CPE: variants seen among roughly 807,000 people sequenced by gnomAD.
The protein encoded by CPE is carbocypeptidase E.
Under a neutral mutation model 53.5 loss-of-function variants are expected in CPE, and 17 were observed. That is an observed-to-expected ratio of 0.32 (90% CI 0.22 to 0.48). The LOEUF (loss-of-function observed/expected upper bound fraction) is 0.48, where lower values mean the gene tolerates loss of function less well. Ranked by LOEUF, CPE falls within the 20% of genes least tolerant of loss-of-function variation. The pLI, the probability that CPE is intolerant of heterozygous loss-of-function variation, is 0.99. For synonymous variants in CPE, 226 were observed against 228.8 expected (o/e 0.99, Z 0.11); for missense variants, 524 against 614.7 (o/e 0.85, Z 1.56).
intron 1 of CPE, among the ~76,000 whole-genome samples, chr4:165,424,811 G>C (rs1731289378): frequency 6.6e-6 from 1 of 152,080 alleles, no homozygotes; most frequent in Admixed American, 6.6e-5. Context: ...TGGGATTACA[G>C]GCGTGAGCCA....
In CPE at chr4:165,467,861, G is replaced by A. The variant is rs59371445; in HGVS notation, c.672+6G>A. On this transcript the variant is annotated splice_donor_region_variant and intron_variant, in intron 3 of 8. Transcript: ENST00000402744. ...TTGTGGATCAAAACACAAAGGTAGT[G>A]ACCACGGGATAGTCTTCTTGGGTTC... 1,541 of 1,612,980 alleles carry A rather than the reference G, an allele frequency of 9.6e-4. 13 individuals carry two copies. In the African/African-American group the frequency reaches 0.018, roughly 19 times the overall value.
intron 1 of CPE, among the ~76,000 whole-genome samples, chr4:165,399,955 A>G (rs1730839194): frequency 6.6e-6 from 1 of 152,136 alleles, no homozygotes; most frequent in Non-Finnish European, 1.5e-5. Flanking sequence ...TGTTCAGAGG[A>G]TAATAACAGA....
chr4:165,453,308 T>TTTCCTTCC (rs796485164), intron 1 of CPE, among the ~76,000 whole-genome samples: 2 of 151,454 alleles, frequency 1.3e-5, no homozygotes, highest in African/African-American at 4.9e-5. Context: ...TTTCTTTCTT[T>TTTCCTTCC]TTCCTTCCTT....
chr4:165,402,884 G>T (rs1730892617), intron 1 of CPE, among the ~76,000 whole-genome samples: 1 of 152,060 alleles, frequency 6.6e-6, no homozygotes, highest in Non-Finnish European at 1.5e-5. Context: ...TGTGGCAAGT[G>T]GAAAAACAGA....
intron 1 of CPE, among the ~76,000 whole-genome samples, chr4:165,461,188 G>GAAAGAAAAAGAA (rs1553976643): frequency 0.11 from 8,305 of 78,590 alleles, 788 homozygotes; most frequent in African/African-American, 0.15. Context: ...AAAAAAAAAA[G>GAAAGAAAAAGAA]AAAGAAAGAA....
intron 1 of CPE, among the ~76,000 whole-genome samples, chr4:165,430,174 T>A (rs1731385328): frequency 1.3e-5 from 2 of 152,236 alleles, no homozygotes; most frequent in Non-Finnish European, 1.5e-5. Flanking sequence ...TTTCATTTTT[T>A]AAAAAATATT....
intron 1 of CPE, among the ~76,000 whole-genome samples, chr4:165,442,980 C>A (rs112834744): frequency 6.6e-6 from 1 of 152,068 alleles, no homozygotes; most frequent in African/African-American, 2.4e-5. Context: ...CTAAGCTTAC[C>A]CTGTTTTTCA....
chr4:165,494,666 A>G (rs922595624), intron 7 of CPE, among the ~76,000 whole-genome samples: 11 of 152,344 alleles, frequency 7.2e-5, no homozygotes, highest in African/African-American at 2.6e-4. Context: ...GAAAAGAACC[A>G]TTCTGAGATT....
At chr4:165,475,788 G>A (rs1390486510) in intron 3 of CPE, among the ~76,000 whole-genome samples, 3 of 152,054 alleles carry the variant, frequency 2.0e-5, no homozygotes, top group South Asian at 2.1e-4. Flanking sequence ...AGTTCTACTC[G>A]GTGTGAACTC....
Position 165,445,772 on chromosome 4 carries a change from G to A in CPE, c.308-18618G>A, listed in dbSNP as rs369343319. 5.1e-4 allele frequency among the ~76,000 whole-genome samples: 78 copies of A among 151,780 alleles called. No individual in the cohort carries two copies. In the East Asian group the frequency reaches 8.9e-3, roughly 17 times the overall value. ...TTTTTTAAGCAAAAATATTATTTTC[G>A]GTTCATTTGAAATAATAAATGTTTT... On this transcript the variant is annotated intron_variant, in intron 1 of 8. Coordinates refer to ENST00000402744, the MANE Select transcript of CPE (RefSeq NM_001873.4).
intron 1 of CPE, among the ~76,000 whole-genome samples, chr4:165,443,900 G>A (rs1308923820): frequency 2.0e-5 from 3 of 152,076 alleles, no homozygotes; most frequent in African/African-American, 7.2e-5. Flanking sequence ...CCCTTACAAT[G>A]AGACCCCAGA....
At chr4:165,479,914 C>A (rs1732373041) in intron 3 of CPE, among the ~76,000 whole-genome samples, 1 of 151,302 alleles carries the variant, frequency 6.6e-6, no homozygotes, top group South Asian at 2.1e-4. Flanking sequence ...ATGGCGTGAA[C>A]CCGGGAGGCG....
At chr4:165,421,751 A>G (rs112915537) in intron 1 of CPE, among the ~76,000 whole-genome samples, 254 of 152,344 alleles carry the variant, frequency 1.7e-3, no homozygotes, top group Non-Finnish European at 2.9e-3. Context: ...TAGAACACAA[A>G]TTACATAAAC....
intron 2 of CPE, among the ~76,000 whole-genome samples, chr4:165,466,979 CT>C (rs1028827604): frequency 5.9e-5 from 9 of 152,158 alleles, no homozygotes; most frequent in African/African-American, 2.2e-4. Context: ...ATTTTTAAAA[CT>C]TTTTTAAAGC....
intron 1 of CPE, chr4:165,386,339 T>C (rs1560865874): frequency 2.1e-6 from 1 of 470,520 alleles, no homozygotes; most frequent in Admixed American, 2.7e-5. Flanking sequence ...TTTATATATA[T>C]TTTTTAATCC....
chr4:165,462,897 T>C (rs778875407), intron 1 of CPE, among the ~76,000 whole-genome samples: 2 of 152,162 alleles, frequency 1.3e-5, no homozygotes, highest in Non-Finnish European at 2.9e-5. Flanking sequence ...AACTCAGGAA[T>C]CTCATGCAAA....
At chr4:165,399,545 T>C (rs768268594) in intron 1 of CPE, among the ~76,000 whole-genome samples, 1 of 152,106 alleles carries the variant, frequency 6.6e-6, no homozygotes, top group African/African-American at 2.4e-5. Context: ...CTAATTTTTG[T>C]ATTTTTAGTA....
intron 3 of CPE, among the ~76,000 whole-genome samples, chr4:165,479,941 A>G (rs1319562240): frequency 6.6e-6 from 1 of 151,444 alleles, no homozygotes; most frequent in African/African-American, 2.4e-5. Flanking sequence ...GCAGTGAACC[A>G]AGATCGCTCC....
chr4:165,485,572 A>AT (rs1351798973), intron 5 of CPE, among the ~76,000 whole-genome samples: 2 of 152,098 alleles, frequency 1.3e-5, no homozygotes, highest in Admixed American at 6.5e-5. Flanking sequence ...CAAATTTAGG[A>AT]TTTAGAGCAT....
Sources: gnomAD v4.1 joint callset for allele counts (sites outside exome capture counted in the v4.1 genomes callset) on GRCh38, gnomAD v4.1.1 for gene constraint, MANE v1.5 for transcripts, NCBI Gene and HGNC (gene_info 2026-07-23, HGNC 2026-07-21) for gene names.